The following VSTM4 variants were observed in gnomAD, a reference collection of about 807,000 sequenced individuals.
VSTM4 encodes the protein V-set and transmembrane domain-containing protein 4.
In VSTM4, 20 loss-of-function variants were observed where a neutral mutation model predicts 36.4. The ratio of observed to expected loss-of-function variants is 0.55; its 90% CI spans 0.39 to 0.80. The LOEUF (loss-of-function observed/expected upper bound fraction) is 0.80. Ranked by LOEUF, VSTM4 falls within the 30% of genes least tolerant of loss-of-function variation. The probability of loss-of-function intolerance (pLI) is 0.00; values close to 1 mark genes in which losing one functional copy is unlikely to be tolerated. For synonymous variants in VSTM4, 182 were observed against 173.9 expected (o/e 1.05, Z -0.37); for missense variants, 392 against 404.5 (o/e 0.97, Z 0.26).
chr10:49,021,444 T>A (rs1180288563), intron 7 of VSTM4, among the ~76,000 whole-genome samples: 1 of 152,026 alleles, frequency 6.6e-6, no homozygotes, highest in Non-Finnish European at 1.5e-5. Flanking sequence ...AAATAAAATT[T>A]AAAAAAACTG....
At chr10:49,086,726 T>A (rs1475249836) in intron 2 of VSTM4, among the ~76,000 whole-genome samples, 5 of 152,334 alleles carry the variant, frequency 3.3e-5, no homozygotes, top group Admixed American at 2.0e-4. Flanking sequence ...GAGATTATTG[T>A]TCAATAGAAC....
At chr10:49,041,586 G>C (rs1843522295) in intron 7 of VSTM4, among the ~76,000 whole-genome samples, 1 of 152,156 alleles carries the variant, frequency 6.6e-6, no homozygotes, top group Non-Finnish European at 1.5e-5. Context: ...TATTGAATCT[G>C]ATATTTTTTT....
intron 1 of VSTM4, among the ~76,000 whole-genome samples, chr10:49,113,058 C>T (rs1844927035): frequency 6.6e-6 from 1 of 152,164 alleles, no homozygotes; most frequent in African/African-American, 2.4e-5. Flanking sequence ...TCTGAGCAGG[C>T]CAGGGATGTG....
Position 49,112,990 on chromosome 10 carries a change from C to G in VSTM4, c.55+2441G>C, listed in dbSNP as rs180980480. On this transcript the variant is annotated intron_variant, in intron 1 of 7. Transcript: ENST00000332853. ...CTTCCAGGTGAGGGAGTAAGGACAA[C>G]TAACAGAACAAGGCAGCAGCCTCAT... Among the ~76,000 whole-genome samples the G allele has an allele frequency of 3.4e-3, 513 of 152,280 alleles. 3 individuals carry two copies. Among genetic ancestry groups the G allele is most frequent in the African/African-American group, 0.012 (488 of 41,554 alleles).
rs547386767 is a variant in VSTM4, at chr10:49,060,936, A to G, written c.668+3767T>C. Among the ~76,000 whole-genome samples, 6 of 152,306 alleles carry G rather than the reference A, an allele frequency of 3.9e-5. No individual in the cohort carries two copies. The South Asian group carries it at 1.2e-3, about 32-fold the overall frequency. The stretch of plus-strand genomic sequence containing the variant: ...CAAAAGGACAAAGCTTTCTCTTTAG[A>G]ACTGCCCTGCCATCTCTATCAAAAG... On this transcript the variant is annotated intron_variant, in intron 5 of 7. Transcript: ENST00000332853.
chr10:49,103,547 G>T (rs1033986895), intron 2 of VSTM4: 2 of 1,326,730 alleles, frequency 1.5e-6, no homozygotes, highest in Non-Finnish European at 1.9e-6. Flanking sequence ...ACCAACATAT[G>T]GAAATCAGGA....
At chr10:49,088,847 T>C (rs1171276140) in intron 2 of VSTM4, among the ~76,000 whole-genome samples, 2 of 152,190 alleles carry the variant, frequency 1.3e-5, no homozygotes, top group Non-Finnish European at 2.9e-5. Context: ...TTCAAGGAGC[T>C]TGGTTTCCAG....
chr10:49,095,550 T>C (rs918249341), intron 2 of VSTM4, among the ~76,000 whole-genome samples: 4 of 152,120 alleles, frequency 2.6e-5, no homozygotes, highest in African/African-American at 9.7e-5. Context: ...TTTGCATGCC[T>C]CTCTGGCCTC....
intron 2 of VSTM4, chr10:49,103,749 C>T (rs1395631060): frequency 1.2e-5 from 19 of 1,613,556 alleles, no homozygotes; most frequent in Non-Finnish European, 1.5e-5. Flanking sequence ...ACATCAAGAA[C>T]TCTGCAGGAA....
chr10:49,040,606 CCTA>C (rs145211851), intron 7 of VSTM4, among the ~76,000 whole-genome samples: 2,767 of 152,202 alleles, frequency 0.018, 97 homozygotes, highest in South Asian at 0.13. Context: ...CTTCTTTTGT[CCTA>C]CTATTTTTTA....
At chr10:49,093,422 C>G (rs1262266107) in intron 2 of VSTM4, among the ~76,000 whole-genome samples, 1 of 152,202 alleles carries the variant, frequency 6.6e-6, no homozygotes, top group African/African-American at 2.4e-5. Flanking sequence ...CTTTTAATAG[C>G]ATGTCTCAAT....
chr10:49,063,763 G>C (rs1447477934), intron 5 of VSTM4, among the ~76,000 whole-genome samples: 1 of 152,200 alleles, frequency 6.6e-6, no homozygotes, highest in African/African-American at 2.4e-5. Flanking sequence ...AAGCTTCCTT[G>C]CTGGGCCACT....
intron 4 of VSTM4, among the ~76,000 whole-genome samples, chr10:49,065,664 G>A (rs1475821942): frequency 6.6e-6 from 1 of 152,172 alleles, no homozygotes; most frequent in African/African-American, 2.4e-5. Context: ...CAGGTCCCAG[G>A]TAATGCATCA....
intron 7 of VSTM4, among the ~76,000 whole-genome samples, chr10:49,038,638 G>T (rs1455709879): frequency 1.3e-5 from 2 of 152,192 alleles, no homozygotes; most frequent in Admixed American, 1.3e-4. Flanking sequence ...GGATGGGAAT[G>T]CCATGGGCTA....
At chr10:49,038,305 C>G (rs926797626) in intron 7 of VSTM4, among the ~76,000 whole-genome samples, 1 of 152,204 alleles carries the variant, frequency 6.6e-6, no homozygotes, top group Non-Finnish European at 1.5e-5. Flanking sequence ...CTCACACACA[C>G]AGCAACGTGG....
intron 7 of VSTM4, among the ~76,000 whole-genome samples, chr10:49,046,272 A>G (rs143624053): frequency 4.6e-5 from 7 of 152,256 alleles, no homozygotes; most frequent in Non-Finnish European, 8.8e-5. Context: ...ATTGAGGGAC[A>G]TTCTAAAAAA....
intron 7 of VSTM4, among the ~76,000 whole-genome samples, chr10:49,037,638 AG>A (rs1291837181): frequency 6.6e-6 from 1 of 152,256 alleles, no homozygotes; most frequent in Non-Finnish European, 1.5e-5. Flanking sequence ...CTGGGAATCA[AG>A]GGACACAATT....
At chr10:49,032,264 G>A (rs61850676) in intron 7 of VSTM4, among the ~76,000 whole-genome samples, 9,034 of 152,270 alleles carry the variant, frequency 0.059, 284 homozygotes, top group Middle Eastern at 0.12. Flanking sequence ...GAGAAGTGGC[G>A]AGCATGCAGA....
At chr10:49,066,053 A>T (rs1590101188) in intron 4 of VSTM4, among the ~76,000 whole-genome samples, 1 of 152,110 alleles carries the variant, frequency 6.6e-6, no homozygotes, top group Non-Finnish European at 1.5e-5. Context: ...TCTTCAGTCT[A>T]GGGTCTGGAT....
Sources: allele counts gnomAD v4.1 joint callset (sites outside exome capture counted in the v4.1 genomes callset), GRCh38; gene constraint gnomAD v4.1.1; transcripts MANE v1.5; gene names NCBI Gene and HGNC (gene_info 2026-07-23, HGNC 2026-07-21).